Variants in TAPBP observed in about 807,000 individuals in gnomAD.
The protein encoded by TAPBP is tapasin.
Under a neutral mutation model 45.7 loss-of-function variants are expected in TAPBP, and 38 were observed. That is an observed-to-expected ratio of 0.83 (90% CI 0.64 to 1.09). The LOEUF (loss-of-function observed/expected upper bound fraction) is 1.09. Among genes scored for constraint, TAPBP ranks in the 50% least tolerant of loss-of-function variants. The pLI is 0.00. For missense variants in TAPBP, 513 were observed against 587.3 expected (o/e 0.87, Z 1.31); for synonymous variants, 226 against 254.8 (o/e 0.89, Z 1.08).
chr6:33,301,634 T>A lies in TAPBP; in HGVS notation c.*126A>T. The A allele has an allele frequency of 1.3e-6, 1 of 797,296 alleles. No individual in the cohort carries two copies. The highest frequency in any genetic ancestry group is 2.0e-6 in the Non-Finnish European group (1 of 493,476). 49.4% of individuals were successfully genotyped at this position (797,296 alleles called of 1,614,324 possible). A position where few individuals can be genotyped will look rare whatever the true frequency, so the allele number is the denominator to read the frequency against. On this transcript the variant is annotated 3_prime_UTR_variant, in exon 8 of 8. Transcript: ENST00000434618. The stretch of plus-strand genomic sequence containing the variant: ...AAGTGAAAGAAAAAAAAAAAAGCAT[T>A]CCAGCCACTCAGTGGAGAGAGATTG...
Position 33,313,167 on chromosome 6 carries a change from C to A in TAPBP, c.469+50G>T, listed in dbSNP as rs781043509. ...CCATAAAGCGAGACCACCGGCTGAT[C>A]TGGACCCTTAGAATCTACCCACCCT... On this transcript the variant is annotated intron_variant, in intron 3 of 7. Transcript: ENST00000434618. The surrounding 1 kb of genome is among the most constrained non-coding windows in gnomAD (Gnocchi z 7.2). The A allele has an allele frequency of 1.3e-6, 2 of 1,562,916 alleles. No homozygotes were observed. Among genetic ancestry groups the A allele is most frequent in the Non-Finnish European group, 1.7e-6 (2 of 1,149,054 alleles).
chr6:33,311,255 G>C (rs1769320858), intron 3 of TAPBP, among the ~76,000 whole-genome samples: 1 of 152,108 alleles, frequency 6.6e-6, no homozygotes, highest in Non-Finnish European at 1.5e-5. Flanking sequence ...GACGGAGGTT[G>C]CAGTGAGCCA....
intron 4 of TAPBP, 130 bp downstream of exon 4, chr6:33,304,859 T>G: frequency 6.9e-7 from 1 of 1,440,266 alleles, no homozygotes; most frequent in Non-Finnish European, 9.4e-7. Context: ...CCCCTCTAAC[T>G]CCCAGGAACC....
chr6:33,313,899 T>C lies in TAPBP; in HGVS notation c.38-35A>G. ...AGGGACGCGAGTGAGGAGCGGTTTG[T>C]ATGTCTGGTGACCTGCCCCACTCCC... On this transcript the variant is annotated intron_variant, in intron 1 of 7. Transcript: ENST00000434618. The surrounding 1 kb of genome is among the most constrained non-coding windows in gnomAD (Gnocchi z 7.2). 1 of 1,613,142 alleles carries C rather than the reference T, an allele frequency of 6.2e-7. No homozygotes were observed. Among genetic ancestry groups the C allele is most frequent in the Non-Finnish European group, 8.5e-7 (1 of 1,179,604 alleles).
Position 33,305,257 on chromosome 6 carries a change from AG to A in TAPBP, c.599del (p.Pro200LeufsTer5), listed in dbSNP as rs1768900196. On this transcript the variant is annotated frameshift_variant, in exon 4 of 8. Transcript: ENST00000434618. LOFTEE classifies it high-confidence loss of function. This position sits in a 1 kb window ranked among gnomAD's most constrained non-coding sequence, Gnocchi z 4.4. ...EAASSLAPGP[P>X]PFGLEWRRQH... The stretch of plus-strand genomic sequence containing the variant: ...GGCGTCGCCACTCTAGCCCAAAGGG[AG>A]GGGGACCCGGAGCCAGAGATGAGGC... The A allele has an allele frequency of 1.2e-6, 2 of 1,605,474 alleles. No homozygotes were observed. The highest frequency in any genetic ancestry group is 1.7e-6 in the Non-Finnish European group (2 of 1,174,824).
In TAPBP at chr6:33,303,995, G is replaced by C. The variant is rs1292581138; in HGVS notation, c.1301-6C>G. The stretch of plus-strand genomic sequence containing the variant: ...GCAGGTGGACAGGTAGACAGCTGTG[G>C]GGAAAGATTGAGAAGGGATGGGATG... On this transcript the variant is annotated splice_region_variant and splice_polypyrimidine_tract_variant and intron_variant, in intron 6 of 7. Coordinates refer to ENST00000434618, the MANE Select transcript of TAPBP (RefSeq NM_003190.5). 6.2e-7 allele frequency: 1 copy of C among 1,613,802 alleles called. No homozygotes were observed. The highest frequency in any genetic ancestry group is 8.5e-7 in the Non-Finnish European group (1 of 1,179,970).
chr6:33,303,190 G>A (rs377468713), intron 7 of TAPBP, among the ~76,000 whole-genome samples: 3 of 152,120 alleles, frequency 2.0e-5, no homozygotes, highest in African/African-American at 7.2e-5. Context: ...CCAAGGCAGC[G>A]GGCGGATCAC....
Position 33,304,290 on chromosome 6 carries a change from C to T in TAPBP, c.1210+7G>A. 6.2e-7 allele frequency: 1 copy of T among 1,601,030 alleles called. No individual in the cohort carries two copies. On this transcript the variant is annotated splice_region_variant and intron_variant, in intron 5 of 7. Coordinates refer to ENST00000434618, the MANE Select transcript of TAPBP (RefSeq NM_003190.5). ...GGCTCAGATTCCGCAGAGCTCCCAG[C>T]TCTTACCTGCTACCTCCAGGGTGAC...
At chr6:33,303,666 G>A in intron 7 of TAPBP, 9 of 1,344,836 alleles carry the variant, frequency 6.7e-6, no homozygotes, top group Non-Finnish European at 9.0e-6. Context: ...TTTTTTTAAT[G>A]TGAGTACTAG....
chr6:33,313,429 G>T lies in TAPBP; in HGVS notation c.257C>A (p.Ala86Asp). 2 of 1,600,440 alleles carry T rather than the reference G, an allele frequency of 1.2e-6. No homozygotes were observed. Among genetic ancestry groups the T allele is most frequent in the Non-Finnish European group, 1.7e-6 (2 of 1,171,402 alleles). ...QAAFRRYPRG[A>D]PAPHCEMSRF... is the part of the protein sequence containing the mutation. ...GCTCATCTCGCAGTGTGGTGCGGGGGCGCCCCGGGGATACCGCCTGAAGGC... is the reference window on the plus strand; with the variant it reads ...GCTCATCTCGCAGTGTGGTGCGGGGTCGCCCCGGGGATACCGCCTGAAGGC... Residue 86 changes from alanine (A) to aspartate (D), a missense_variant, in exon 3 of 8, where the codon GCC becomes GAC. By Grantham distance (126) the Ala-to-Asp change is moderately radical. Coordinates refer to ENST00000434618, the MANE Select transcript of TAPBP (RefSeq NM_003190.5). The surrounding 1 kb of genome is among the most constrained non-coding windows in gnomAD (Gnocchi z 7.2).
intron 7 of TAPBP, among the ~76,000 whole-genome samples, chr6:33,302,195 G>A (rs1379831709): frequency 6.7e-6 from 1 of 149,244 alleles, no homozygotes; most frequent in African/African-American, 2.5e-5. Flanking sequence ...ACCCAGGCTG[G>A]AGTACAGTGG....
intron 7 of TAPBP, among the ~76,000 whole-genome samples, chr6:33,302,616 C>T (rs9469397): frequency 0.035 from 5,341 of 150,732 alleles, 153 homozygotes; most frequent in African/African-American, 0.073. Flanking sequence ...CGTGAACCAA[C>T]GCACCTGGCC....
Position 33,301,617 on chromosome 6 carries a change from G to T in TAPBP, c.*143C>A. On this transcript the variant is annotated 3_prime_UTR_variant, in exon 8 of 8. Coordinates refer to ENST00000434618, the MANE Select transcript of TAPBP (RefSeq NM_003190.5). ...AAAATTATCCCTTATATAAGTGAAA[G>T]AAAAAAAAAAAAGCATTCCAGCCAC... 2 of 561,192 alleles carry T rather than the reference G, an allele frequency of 3.6e-6. No homozygotes were observed. Among genetic ancestry groups the T allele is most frequent in the Non-Finnish European group, 6.1e-6 (2 of 328,518 alleles). 34.8% of individuals were successfully genotyped at this position (561,192 alleles called of 1,614,324 possible).
intron 3 of TAPBP, among the ~76,000 whole-genome samples, chr6:33,306,330 G>A (rs1768966098): frequency 6.6e-6 from 1 of 152,132 alleles, no homozygotes; most frequent in Non-Finnish European, 1.5e-5. Flanking sequence ...GCAAACCCTT[G>A]GAGTTACTCA....
chr6:33,314,072 C>T lies in TAPBP; in HGVS notation c.-31G>A, dbSNP rs1769619281. 3 of 1,610,996 alleles carry T rather than the reference C, an allele frequency of 1.9e-6. No individual in the cohort carries two copies. The highest frequency in any genetic ancestry group is 1.1e-5 in the South Asian group (1 of 91,040). On this transcript the variant is annotated 5_prime_UTR_variant, in exon 1 of 8. Coordinates refer to ENST00000434618, the MANE Select transcript of TAPBP (RefSeq NM_003190.5). ...TGCGACCTCCTCAGCCATGAAGCCT[C>T]CTCTTCCTCCTTTCACTTTCACTTT...
In TAPBP at chr6:33,313,717, G is replaced by C. The variant is rs758158568; in HGVS notation, c.185C>G (p.Pro62Arg). 15 of 1,613,320 alleles carry C rather than the reference G, an allele frequency of 9.3e-6. No homozygotes were observed. The highest frequency in any genetic ancestry group is 1.3e-5 in the African/African-American group (1 of 75,026). Reference sequence around the variant, plus strand: ...ACCGTGTACACTGAGATAGAGCTCAGGGTCGAGGTCCGGCCGGGGCGGCGG... The same window carrying C: ...ACCGTGTACACTGAGATAGAGCTCACGGTCGAGGTCCGGCCGGGGCGGCGG... ...GEPPPRPDLD[P>R]ELYLSVHDPA... The change falls in exon 2 of 8, where the codon CCT (proline) becomes CGT (arginine). Residue 62 changes from proline (P) to arginine (R), a missense_variant. Transcript: ENST00000434618. This position sits in a 1 kb window ranked among gnomAD's most constrained non-coding sequence, Gnocchi z 7.2.
intron 3 of TAPBP, among the ~76,000 whole-genome samples, chr6:33,306,978 C>CAAAAA (rs553964427): frequency 7.9e-6 from 1 of 126,356 alleles, no homozygotes; most frequent in Non-Finnish European, 1.7e-5. Flanking sequence ...AACCCCGTTT[C>CAAAAA]AAAAAAAAAA....
rs1768942142 is a variant in TAPBP at position 33,305,885 on chromosome 6, A to G, written c.470-498T>C. The stretch of plus-strand genomic sequence containing the variant: ...AGCCTAGACCTGAGCACAGACCTCT[A>G]TGCTCTACTGAAGCAGTACAGTGCA... On this transcript the variant is annotated intron_variant, in intron 3 of 7. Coordinates refer to ENST00000434618, the MANE Select transcript of TAPBP (RefSeq NM_003190.5). The surrounding 1 kb of genome is among the most constrained non-coding windows in gnomAD (Gnocchi z 4.4). Among the ~76,000 whole-genome samples the G allele has an allele frequency of 6.6e-6, 1 of 152,236 alleles. No individual in the cohort carries two copies. Among genetic ancestry groups the G allele is most frequent in the Non-Finnish European group, 1.5e-5 (1 of 68,046 alleles).
At chr6:33,304,095 T>C in intron 6 of TAPBP, 33 bp downstream of exon 6, 1 of 1,611,436 alleles carries the variant, frequency 6.2e-7, no homozygotes, top group Non-Finnish European at 8.5e-7. Context: ...TCCACCAACC[T>C]CAGGTCATGG....
Sources: gnomAD v4.1 joint callset for allele counts (sites outside exome capture counted in the v4.1 genomes callset) on GRCh38, gnomAD v4.1.1 for gene constraint, Gnocchi (gnomAD v3.1) non-coding constraint, MANE v1.5 for transcripts, NCBI Gene and HGNC (gene_info 2026-07-23, HGNC 2026-07-21) for gene names.